DISP1: variants seen among roughly 807,000 people sequenced by gnomAD.
The protein encoded by DISP1 is dispatched RND transporter family member 1, also known as protein dispatched homolog 1.
DISP1 carries 30 observed loss-of-function variants against 37.3 expected under a neutral mutation model. The observed-to-expected ratio is 0.80, with a 90% CI of 0.60 to 1.09. The LOEUF (loss-of-function observed/expected upper bound fraction) is 1.09. Among genes scored for constraint, DISP1 ranks in the 50% least tolerant of loss-of-function variants. The probability of loss-of-function intolerance (pLI) is 0.00; values close to 1 mark genes in which losing one functional copy is unlikely to be tolerated. For synonymous variants in DISP1, 634 were observed against 690.2 expected, an observed-to-expected ratio of 0.92 and a Z score of 1.28; for missense variants, 1,598 against 1,879.5, an observed-to-expected ratio of 0.85 and a Z score of 2.77.
chr1:222,936,574 T>TCTCTC (rs1178865904), intron 2 of DISP1, among the ~76,000 whole-genome samples: 4 of 129,182 alleles, frequency 3.1e-5, no homozygotes, highest in Non-Finnish European at 6.5e-5. Context: ...ATATATAATA[T>TCTCTC]ATATCATATA....
intron 1 of DISP1, among the ~76,000 whole-genome samples, chr1:222,834,262 G>A (rs1666467679): frequency 6.6e-6 from 1 of 152,116 alleles, no homozygotes; most frequent in Admixed American, 6.5e-5. Flanking sequence ...ACAGAGCATA[G>A]CATCCTGTCC....
At chr1:222,912,160 A>G (rs1672249359) in intron 1 of DISP1, among the ~76,000 whole-genome samples, 1 of 152,204 alleles carries the variant, frequency 6.6e-6, no homozygotes, top group African/African-American at 2.4e-5. Context: ...GTCCAGAATT[A>G]TAATGAATCT....
intron 1 of DISP1, among the ~76,000 whole-genome samples, chr1:222,855,734 T>G (rs1668512323): frequency 6.6e-6 from 1 of 152,168 alleles, no homozygotes; most frequent in African/African-American, 2.4e-5. Context: ...TTTAAAACAT[T>G]TTTTCTCCCA....
At chr1:222,836,748 T>TAC (rs2125276441) in intron 1 of DISP1, among the ~76,000 whole-genome samples, 1 of 104,092 alleles carries the variant, frequency 9.6e-6, no homozygotes, top group East Asian at 2.3e-4. Context: ...AAAGAATATA[T>TAC]ATATATATAT....
At position 222,939,907 on chromosome 1, in the gene DISP1, C is replaced by T. The variant is rs751695087; in HGVS notation, c.-17-2900C>T. Among the ~76,000 whole-genome samples, 81 of 151,338 alleles carry T rather than the reference C, an allele frequency of 5.4e-4. 1 individual carries two copies. The highest frequency in any genetic ancestry group is 7.1e-4 in the Non-Finnish European group (48 of 67,848). On this transcript the variant is annotated intron_variant, in intron 2 of 8. Coordinates refer to ENST00000675850, the MANE Select transcript of DISP1 (RefSeq NM_001377229.1). ...TTGGGAGGCTGAGGCGGGCGGATCACGAGGTCAGGAGATCGAGACCATCCT... is the reference window on the plus strand; with the variant it reads ...TTGGGAGGCTGAGGCGGGCGGATCATGAGGTCAGGAGATCGAGACCATCCT...
chr1:222,854,086 C>T (rs1259476267), intron 1 of DISP1, among the ~76,000 whole-genome samples: 2 of 152,112 alleles, frequency 1.3e-5, no homozygotes, highest in East Asian at 1.9e-4. Flanking sequence ...GGAAAGAAAA[C>T]ACCATGGCAA....
Position 222,942,765 on chromosome 1 carries a change from T to G in DISP1, c.-17-42T>G, listed in dbSNP as rs1572574146. 8.1e-6 allele frequency: 13 copies of G among 1,611,484 alleles called. No individual in the cohort carries two copies. In the East Asian group the frequency reaches 2.9e-4, roughly 36 times the overall value. On this transcript the variant is annotated intron_variant, in intron 2 of 8. Coordinates refer to ENST00000675850, the MANE Select transcript of DISP1 (RefSeq NM_001377229.1). ...TACTTGTCTTTCCTACATATTTGCCTGCCTGACTGTAACTGGGCGATTTTA... is the reference window on the plus strand; with the variant it reads ...TACTTGTCTTTCCTACATATTTGCCGGCCTGACTGTAACTGGGCGATTTTA...
intron 3 of DISP1, among the ~76,000 whole-genome samples, chr1:222,947,258 A>G (rs1157956876): frequency 6.6e-6 from 1 of 152,076 alleles, no homozygotes; most frequent in Non-Finnish European, 1.5e-5. Context: ...GTTGAATCCT[A>G]TAGTATTTGC....
At chr1:222,901,403 T>C (rs1396262380) in intron 1 of DISP1, among the ~76,000 whole-genome samples, 1 of 152,192 alleles carries the variant, frequency 6.6e-6, no homozygotes, top group East Asian at 1.9e-4. Context: ...GGCAATGGAA[T>C]AATATCTTTA....
intron 2 of DISP1, among the ~76,000 whole-genome samples, chr1:222,936,906 A>ATGTAAT (rs1245537583): frequency 2.7e-4 from 14 of 52,710 alleles, no homozygotes; most frequent in African/African-American, 4.2e-4. Context: ...ATTTATATAT[A>ATGTAAT]ATATATTATA....
chr1:222,898,421 A>G (rs1671394200), intron 1 of DISP1, among the ~76,000 whole-genome samples: 1 of 152,066 alleles, frequency 6.6e-6, no homozygotes, highest in Non-Finnish European at 1.5e-5. Context: ...GAAAATTCTT[A>G]ATTTGTAACT....
intron 1 of DISP1, among the ~76,000 whole-genome samples, chr1:222,866,564 C>T (rs1669204408): frequency 6.6e-6 from 1 of 152,042 alleles, no homozygotes; most frequent in Non-Finnish European, 1.5e-5. Context: ...AGGCTGGTCT[C>T]GAACTCCTGA....
At chr1:222,840,940 T>C (rs1468670798) in intron 1 of DISP1, among the ~76,000 whole-genome samples, 1 of 152,204 alleles carries the variant, frequency 6.6e-6, no homozygotes. Flanking sequence ...AAATACTATA[T>C]GTACACAACT....
At chr1:222,874,657 C>T (rs1336170200) in intron 1 of DISP1, among the ~76,000 whole-genome samples, 2 of 152,034 alleles carry the variant, frequency 1.3e-5, no homozygotes, top group Non-Finnish European at 2.9e-5. Context: ...GTTATCCATT[C>T]GTCTAATTTT....
chr1:222,886,588 CT>C (rs1483698021), intron 1 of DISP1, among the ~76,000 whole-genome samples: 1 of 152,212 alleles, frequency 6.6e-6, no homozygotes, highest in Admixed American at 6.5e-5. Context: ...TAGGTGCCAG[CT>C]CTTTGAAGTT....
At chr1:222,876,242 A>G (rs1295403109) in intron 1 of DISP1, among the ~76,000 whole-genome samples, 1 of 152,206 alleles carries the variant, frequency 6.6e-6, no homozygotes, top group Admixed American at 6.5e-5. Flanking sequence ...GTGGTGAGGT[A>G]TGGCTGTGGT....
intron 3 of DISP1, among the ~76,000 whole-genome samples, chr1:222,967,801 G>T (rs79000943): frequency 0.054 from 8,256 of 152,226 alleles, 744 homozygotes; most frequent in African/African-American, 0.19. Flanking sequence ...CATTTGTCCT[G>T]TTATGAAGTT....
chr1:222,918,471 G>C (rs1249920007), intron 1 of DISP1, among the ~76,000 whole-genome samples: 2 of 152,120 alleles, frequency 1.3e-5, no homozygotes, highest in Non-Finnish European at 2.9e-5. Context: ...TTTTTGAACT[G>C]GGAAAATATA....
intron 1 of DISP1, among the ~76,000 whole-genome samples, chr1:222,849,597 C>T (rs1420361583): frequency 6.6e-6 from 1 of 152,096 alleles, no homozygotes; most frequent in Non-Finnish European, 1.5e-5. Context: ...AAACATGTAC[C>T]TTAGCAGGAG....
Sources: allele counts gnomAD v4.1 joint callset (sites outside exome capture counted in the v4.1 genomes callset), GRCh38; gene constraint gnomAD v4.1.1; transcripts MANE v1.5; gene names NCBI Gene and HGNC (gene_info 2026-07-23, HGNC 2026-07-21).